Variants in RPS6KC1 observed in about 807,000 individuals in gnomAD.
RPS6KC1 encodes the protein ribosomal protein S6 kinase C1.
A neutral mutation model predicts 103.8 loss-of-function variants in RPS6KC1; 54 were observed. The ratio of observed to expected loss-of-function variants is 0.52; its 90% CI spans 0.42 to 0.65. The LOEUF is 0.65. Among genes scored for constraint, RPS6KC1 ranks in the 30% least tolerant of loss-of-function variants. The pLI is 0.00. For missense variants in RPS6KC1, 1,151 were observed against 1,253.8 expected (o/e 0.92, Z 1.24); for synonymous variants, 439 against 438.7 (o/e 1.00, Z -0.01).
intron 14 of RPS6KC1, among the ~76,000 whole-genome samples, chr1:213,271,725 C>T (rs1203389836): frequency 7.3e-6 from 1 of 136,796 alleles, no homozygotes; most frequent in African/African-American, 2.8e-5. Context: ...GATCGCGCCA[C>T]TGCACTCCAG....
chr1:213,450,192 A>G, the RPS6KC1 span, among the ~76,000 whole-genome samples: 1 of 152,064 alleles, frequency 6.6e-6, no homozygotes. Context: ...AGAACTCAAT[A>G]TGTGTTCATT....
At chr1:213,530,778 C>A in the RPS6KC1 span, among the ~76,000 whole-genome samples, 1 of 152,166 alleles carries the variant, frequency 6.6e-6, no homozygotes, top group African/African-American at 2.4e-5. Flanking sequence ...CTCCATCTGG[C>A]CTGGCCTGTT....
At chr1:213,170,358 TAA>T (rs1477627820) in intron 7 of RPS6KC1, among the ~76,000 whole-genome samples, 1 of 152,216 alleles carries the variant, frequency 6.6e-6, no homozygotes, top group Non-Finnish European at 1.5e-5. Flanking sequence ...AGAAGAGATC[TAA>T]TATAGGAAAG....
At chr1:213,590,968 C>T in the RPS6KC1 span, among the ~76,000 whole-genome samples, 2 of 152,270 alleles carry the variant, frequency 1.3e-5, no homozygotes, top group South Asian at 4.2e-4. Flanking sequence ...CAGCCCCCAC[C>T]ACCGCAGCTA....
the RPS6KC1 span, among the ~76,000 whole-genome samples, chr1:213,454,256 G>A: frequency 5.7e-4 from 86 of 152,204 alleles, 1 homozygote; most frequent in Admixed American, 5.5e-3. Context: ...ACAAGGACAC[G>A]TGAAATTTAT....
At chr1:213,512,689 T>C in the RPS6KC1 span, among the ~76,000 whole-genome samples, 1 of 152,346 alleles carries the variant, frequency 6.6e-6, no homozygotes, top group East Asian at 1.9e-4. Context: ...GGCACACTTG[T>C]GCTTCATTTT....
the RPS6KC1 span, among the ~76,000 whole-genome samples, chr1:213,428,550 TTC>T: frequency 9.6e-6 from 1 of 103,838 alleles, no homozygotes; most frequent in Non-Finnish European, 2.0e-5. Context: ...CTTTCTTTCT[TTC>T]TCTCTCGCTC....
intron 8 of RPS6KC1, among the ~76,000 whole-genome samples, chr1:213,211,508 CTGCTATATT>C (rs2093505441): frequency 1.3e-5 from 2 of 152,272 alleles, no homozygotes; most frequent in Admixed American, 1.3e-4. Flanking sequence ...ATTCTGCCTT[CTGCTATATT>C]TATATCCATT....
the RPS6KC1 span, among the ~76,000 whole-genome samples, chr1:213,770,025 G>C: frequency 6.6e-6 from 1 of 152,140 alleles, no homozygotes; most frequent in African/African-American, 2.4e-5. Flanking sequence ...GCTACCAAGT[G>C]GGGAGGAGGT....
chr1:213,252,286 G>C (rs917986954), intron 12 of RPS6KC1, among the ~76,000 whole-genome samples: 8 of 152,270 alleles, frequency 5.3e-5, no homozygotes, highest in Non-Finnish European at 7.4e-5. Flanking sequence ...ATGTTTCTGT[G>C]CCCTAGCTGA....
chr1:213,261,823 C>T (rs954408413), intron 13 of RPS6KC1, among the ~76,000 whole-genome samples, 183 bp downstream of exon 13: 1 of 152,074 alleles, frequency 6.6e-6, no homozygotes, highest in South Asian at 2.1e-4. Flanking sequence ...AGTTGGATTG[C>T]ATTACATTGA....
chr1:213,674,216 G>A, the RPS6KC1 span, among the ~76,000 whole-genome samples: 1 of 152,078 alleles, frequency 6.6e-6, no homozygotes, highest in South Asian at 2.1e-4. Context: ...ACAGGGTTTT[G>A]CCATGTTGGC....
chr1:213,834,597 A>G, the RPS6KC1 span, among the ~76,000 whole-genome samples: 1 of 152,166 alleles, frequency 6.6e-6, no homozygotes, highest in African/African-American at 2.4e-5. Context: ...AAAATATATC[A>G]CTAACAACCT....
chr1:213,640,734 C>T, the RPS6KC1 span, among the ~76,000 whole-genome samples: 1 of 151,732 alleles, frequency 6.6e-6, no homozygotes, highest in Admixed American at 6.6e-5. Flanking sequence ...ATAATTTCAT[C>T]ATGGTCAAAA....
the RPS6KC1 span, among the ~76,000 whole-genome samples, chr1:213,308,856 T>A: frequency 5.3e-5 from 8 of 152,156 alleles, no homozygotes; most frequent in Non-Finnish European, 8.8e-5. Context: ...ACAAATAAAA[T>A]GTAAATGGAT....
the RPS6KC1 span, among the ~76,000 whole-genome samples, chr1:213,612,600 A>G: frequency 2.8e-3 from 420 of 152,372 alleles, 3 homozygotes; most frequent in African/African-American, 9.4e-3. Context: ...AGTGTCTCAC[A>G]TGTGTAGAGA....
At chr1:213,467,022 T>G in the RPS6KC1 span, among the ~76,000 whole-genome samples, 1 of 152,140 alleles carries the variant, frequency 6.6e-6, no homozygotes, top group Non-Finnish European at 1.5e-5. Context: ...TCTTTTTTTT[T>G]TTTTAACTAG....
rs755186439 is a variant in RPS6KC1, at chr1:213,129,541, A to G, written c.487A>G (p.Ser163Gly). The change falls in exon 6 of 15, where the codon AGT (serine) becomes GGT (glycine). Residue 163 changes from serine to glycine, a missense_variant. Coordinates refer to ENST00000366960, the MANE Select transcript of RPS6KC1 (RefSeq NM_012424.6). Reference protein sequence around the residue: ...ECSTEGFSSDSDLVSLTVDVD... With the variant: ...ECSTEGFSSDGDLVSLTVDVD... ...CATATTTCTAGGCTTCTCCAGTGAC[A>G]GTGATCTGGTATCTCTTACTGTTGA... 2.5e-6 allele frequency: 4 copies of G among 1,607,110 alleles called. No individual in the cohort carries two copies. Among genetic ancestry groups the G allele is most frequent in the African/African-American group, 2.7e-5 (2 of 74,522 alleles).
chr1:213,404,660 T>A, the RPS6KC1 span, among the ~76,000 whole-genome samples: 1 of 152,206 alleles, frequency 6.6e-6, no homozygotes, highest in Admixed American at 6.5e-5. Context: ...TATTCACTTT[T>A]GTGGCTGTAC....
Sources: allele counts gnomAD v4.1 joint callset (sites outside exome capture counted in the v4.1 genomes callset), GRCh38; gene constraint gnomAD v4.1.1; transcripts MANE v1.5; gene names NCBI Gene and HGNC (gene_info 2026-07-23, HGNC 2026-07-21).